STT3B: variants seen among roughly 807,000 people sequenced by gnomAD.
STT3B encodes the protein STT3 oligosaccharyltransferase complex catalytic subunit B.
STT3B carries 29 observed loss-of-function variants against 96.8 expected under a neutral mutation model. That is an observed-to-expected ratio of 0.30 (90% CI 0.22 to 0.41). The LOEUF (loss-of-function observed/expected upper bound fraction) is 0.41. Among genes scored for constraint, STT3B ranks in the 10% least tolerant of loss-of-function variants. STT3B has a pLI of 1.00. For missense variants in STT3B, 640 were observed against 1,022.3 expected (o/e 0.63, Z 5.10); for synonymous variants, 367 against 360.0 (o/e 1.02, Z -0.22).
intron 1 of STT3B, among the ~76,000 whole-genome samples, chr3:31,572,013 AACATATTAATATATATTAATATATG>A (rs1698155878): frequency 1.7e-5 from 1 of 59,806 alleles, no homozygotes; most frequent in Non-Finnish European, 4.4e-5. Context: ...TATTTTATTA[AACATATTAATATATATTAATATATG>A]ATATATTAAT....
chr3:31,595,821 T>C (rs1698779045), intron 3 of STT3B, among the ~76,000 whole-genome samples: 1 of 152,220 alleles, frequency 6.6e-6, no homozygotes, highest in South Asian at 2.1e-4. Flanking sequence ...TTGGATGCCT[T>C]GCATCTTTCC....
chr3:31,584,891 A>G (rs1412729745), intron 3 of STT3B, among the ~76,000 whole-genome samples: 3 of 152,098 alleles, frequency 2.0e-5, no homozygotes, highest in South Asian at 2.1e-4. Context: ...AGATGATGAC[A>G]TTCATTTAAA....
At chr3:31,588,744 G>C (rs2125457518) in intron 3 of STT3B, among the ~76,000 whole-genome samples, 1 of 152,068 alleles carries the variant, frequency 6.6e-6, no homozygotes, top group East Asian at 1.9e-4. Flanking sequence ...TTGTCCAGCT[G>C]TTACAGCATT....
At chr3:31,593,732 A>G (rs1223188614) in intron 3 of STT3B, among the ~76,000 whole-genome samples, 4 of 151,680 alleles carry the variant, frequency 2.6e-5, no homozygotes, top group Non-Finnish European at 5.9e-5. Flanking sequence ...TATTTCTCAC[A>G]TGTATAGGAG....
chr3:31,565,850 T>C (rs932952124), intron 1 of STT3B, among the ~76,000 whole-genome samples: 1 of 152,222 alleles, frequency 6.6e-6, no homozygotes, highest in Non-Finnish European at 1.5e-5. Flanking sequence ...ATTAGACTTC[T>C]CTGTCCTTTT....
chr3:31,538,002 G>T (rs756641149), intron 1 of STT3B, among the ~76,000 whole-genome samples: 10 of 152,096 alleles, frequency 6.6e-5, no homozygotes, highest in African/African-American at 9.7e-5. Flanking sequence ...ATCTTAGGGA[G>T]TGAAAATACT....
chr3:31,624,035 A>C (rs1699481416), intron 11 of STT3B, among the ~76,000 whole-genome samples, 174 bp downstream of exon 11: 1 of 152,172 alleles, frequency 6.6e-6, no homozygotes, highest in South Asian at 2.1e-4. Flanking sequence ...TATGGGGTAC[A>C]TTCTATTTAT....
chr3:31,555,191 A>G (rs1297490099), intron 1 of STT3B, among the ~76,000 whole-genome samples: 2 of 152,164 alleles, frequency 1.3e-5, no homozygotes, highest in Non-Finnish European at 2.9e-5. Context: ...TCTTGGCAAG[A>G]TGTTTAGGAA....
At chr3:31,555,961 C>T (rs867229503) in intron 1 of STT3B, among the ~76,000 whole-genome samples, 10 of 152,194 alleles carry the variant, frequency 6.6e-5, no homozygotes, top group Middle Eastern at 6.8e-3. Flanking sequence ...TAGCTATGGT[C>T]ACCCTACTCT....
intron 5 of STT3B, among the ~76,000 whole-genome samples, chr3:31,604,634 G>A (rs1699007268): frequency 1.3e-5 from 2 of 152,292 alleles, no homozygotes; most frequent in South Asian, 4.1e-4. Flanking sequence ...TGTAAGGAGT[G>A]TATATTATAC....
Position 31,596,992 on chromosome 3 carries a change from C to T in STT3B, c.777+129C>T, listed in dbSNP as rs1698807543. The T allele has an allele frequency of 5.8e-6, 4 of 685,290 alleles. No homozygotes were observed. The East Asian group carries it at 1.1e-4, about 18-fold the overall frequency. The allele number at this position is 685,290 out of a possible 1,614,324, so 42.5% of individuals were successfully genotyped here. A position where few individuals can be genotyped will look rare whatever the true frequency, so the allele number is the denominator to read the frequency against. ...ATCTTTCATTACTACCATCCTCTTT[C>T]CTTCTCCTACTCACAGGTCCTGTAT... On this transcript the variant is annotated intron_variant, in intron 4 of 15. Coordinates refer to ENST00000295770, the MANE Select transcript of STT3B (RefSeq NM_178862.3).
At chr3:31,612,473 A>G (rs1290424653) in intron 5 of STT3B, among the ~76,000 whole-genome samples, 1 of 152,198 alleles carries the variant, frequency 6.6e-6, no homozygotes, top group South Asian at 2.1e-4. Flanking sequence ...AATACTGTTG[A>G]AAACTTGTCT....
intron 1 of STT3B, among the ~76,000 whole-genome samples, chr3:31,557,267 T>C (rs1697742449): frequency 6.6e-6 from 1 of 152,204 alleles, no homozygotes; most frequent in Non-Finnish European, 1.5e-5. Context: ...AAAACCATGC[T>C]GTTTGGGTTA....
intron 4 of STT3B, among the ~76,000 whole-genome samples, chr3:31,597,066 C>T (rs1698809588): frequency 1.3e-5 from 2 of 152,236 alleles, no homozygotes; most frequent in South Asian, 2.1e-4. Flanking sequence ...CAAATATTTG[C>T]AGCAAGTAAA....
intron 1 of STT3B, among the ~76,000 whole-genome samples, chr3:31,546,983 A>G (rs1395106928): frequency 3.3e-5 from 5 of 152,242 alleles, no homozygotes; most frequent in African/African-American, 7.2e-5. Context: ...ATGAATCAGC[A>G]TGATGCTTTG....
intron 4 of STT3B, among the ~76,000 whole-genome samples, chr3:31,597,940 A>G (rs58030932): frequency 0.022 from 3,369 of 151,344 alleles, 120 homozygotes; most frequent in African/African-American, 0.076. Flanking sequence ...GGTTCAAGCT[A>G]TTCTCGCGCC....
chr3:31,631,042 C>T (rs1699645571), intron 14 of STT3B, among the ~76,000 whole-genome samples: 1 of 152,204 alleles, frequency 6.6e-6, no homozygotes, highest in Non-Finnish European at 1.5e-5. Flanking sequence ...ATCCCCCTGC[C>T]TTGGCCTCCC....
chr3:31,537,417 C>T (rs1697129190), intron 1 of STT3B, among the ~76,000 whole-genome samples: 1 of 152,148 alleles, frequency 6.6e-6, no homozygotes, highest in South Asian at 2.1e-4. Flanking sequence ...TTAGCATCAG[C>T]AGTCCAGCTG....
intron 5 of STT3B, among the ~76,000 whole-genome samples, chr3:31,612,047 C>G (rs1268181587): frequency 1.3e-5 from 2 of 152,106 alleles, no homozygotes; most frequent in Non-Finnish European, 2.9e-5. Flanking sequence ...TTGAGTACTC[C>G]TAATTTGAAA....
Sources: allele counts gnomAD v4.1 joint callset (sites outside exome capture counted in the v4.1 genomes callset), GRCh38; gene constraint gnomAD v4.1.1; transcripts MANE v1.5; gene names NCBI Gene and HGNC (gene_info 2026-07-23, HGNC 2026-07-21).